Variants in RAB38 observed in about 807,000 individuals in gnomAD.
The protein encoded by RAB38 is RAB38, member RAS oncogene family, also known as ras-related protein Rab-38.
RAB38 carries 15 observed loss-of-function variants against 18.4 expected under a neutral mutation model. That is an observed-to-expected ratio of 0.82 (90% CI 0.55 to 1.26). The LOEUF is 1.26. Among genes scored for constraint, RAB38 ranks in the 50% most tolerant of loss-of-function variants. RAB38 has a pLI of 0.00. For synonymous variants in RAB38, 101 were observed against 104.4 expected, an observed-to-expected ratio of 0.97 and a Z score of 0.20; for missense variants, 294 against 267.4, an observed-to-expected ratio of 1.10 and a Z score of -0.69.
chr11:87,956,469 T>C, the RAB38 span, among the ~76,000 whole-genome samples: 5 of 152,152 alleles, frequency 3.3e-5, no homozygotes, highest in South Asian at 2.1e-4. Context: ...CACAGGCTTC[T>C]ATCACCTGCA....
At chr11:87,804,271 G>C in the RAB38 span, among the ~76,000 whole-genome samples, 176 of 152,178 alleles carry the variant, frequency 1.2e-3, 1 homozygote, top group African/African-American at 4.1e-3. Context: ...ATGCTGAGTT[G>C]GGTAGAGGCA....
At chr11:87,948,852 T>A in the RAB38 span, among the ~76,000 whole-genome samples, 4 of 152,022 alleles carry the variant, frequency 2.6e-5, no homozygotes, top group Non-Finnish European at 4.4e-5. Context: ...CTAAAATTCT[T>A]TTTTTGTTGT....
chr11:87,962,141 G>GA, the RAB38 span, among the ~76,000 whole-genome samples: 1 of 152,218 alleles, frequency 6.6e-6, no homozygotes, highest in East Asian at 1.9e-4. Flanking sequence ...TCCTCTCTCA[G>GA]AAAAGGAATG....
chr11:87,871,549 T>C, the RAB38 span, among the ~76,000 whole-genome samples: 1 of 151,738 alleles, frequency 6.6e-6, no homozygotes, highest in Non-Finnish European at 1.5e-5. Context: ...AGCTTGCATA[T>C]TTTAAAGTAT....
chr11:88,052,929 T>TTTCATATAG, the RAB38 span, among the ~76,000 whole-genome samples: 1 of 57,986 alleles, frequency 1.7e-5, no homozygotes, highest in Non-Finnish European at 2.7e-5. Flanking sequence ...TATATATATA[T>TTTCATATAG]ATATATATAT....
chr11:87,853,937 G>T, the RAB38 span, among the ~76,000 whole-genome samples: 1 of 152,166 alleles, frequency 6.6e-6, no homozygotes, highest in African/African-American at 2.4e-5. Flanking sequence ...CATCAGCTGA[G>T]GGTCTTTCCA....
the RAB38 span, among the ~76,000 whole-genome samples, chr11:87,958,842 A>G: frequency 1.3e-5 from 2 of 152,150 alleles, no homozygotes; most frequent in Non-Finnish European, 2.9e-5. Context: ...CCTGTATAAT[A>G]ATCCCTTTCT....
chr11:88,107,872 T>C, the RAB38 span, among the ~76,000 whole-genome samples: 2 of 152,078 alleles, frequency 1.3e-5, no homozygotes, highest in African/African-American at 2.4e-5. Context: ...TAATTTCGTT[T>C]TTTACCCAGT....
At chr11:87,952,966 TTAAAACATTTAAACA>T in the RAB38 span, among the ~76,000 whole-genome samples, 19 of 152,114 alleles carry the variant, frequency 1.2e-4, no homozygotes, top group East Asian at 3.8e-4. Context: ...GTTTTTAATT[TTAAAACATTTAAACA>T]TAAAACATTT....
At chr11:88,069,370 G>T in the RAB38 span, among the ~76,000 whole-genome samples, 22 of 152,296 alleles carry the variant, frequency 1.4e-4, no homozygotes, top group African/African-American at 5.3e-4. Context: ...CCTCCCCGAC[G>T]GGCACCAACC....
chr11:87,880,337 A>G, the RAB38 span, among the ~76,000 whole-genome samples: 34 of 151,906 alleles, frequency 2.2e-4, no homozygotes, highest in African/African-American at 7.5e-4. Context: ...TCCTGGCCAC[A>G]ACATGCTCCA....
the RAB38 span, among the ~76,000 whole-genome samples, chr11:88,032,319 G>A: frequency 2.4e-4 from 37 of 152,242 alleles, no homozygotes; most frequent in South Asian, 7.7e-3. Flanking sequence ...CATAGGCATG[G>A]GCAAGGACTT....
At chr11:88,098,796 C>T in the RAB38 span, 2 of 151,788 alleles carry the variant, frequency 1.3e-5, no homozygotes, top group African/African-American at 2.4e-5. Flanking sequence ...TAGATAATAG[C>T]GAAGGCATCC....
At chr11:87,804,063 T>G in the RAB38 span, among the ~76,000 whole-genome samples, 6 of 152,336 alleles carry the variant, frequency 3.9e-5, no homozygotes, top group African/African-American at 1.4e-4. Context: ...AACCGTGATT[T>G]TATTGTTTTG....
chr11:87,941,962 C>T, the RAB38 span, among the ~76,000 whole-genome samples: 1 of 152,178 alleles, frequency 6.6e-6, no homozygotes, highest in Non-Finnish European at 1.5e-5. Context: ...GCCCCTCTCT[C>T]TTGCTCCTTG....
the RAB38 span, among the ~76,000 whole-genome samples, chr11:88,020,761 A>G: frequency 6.6e-6 from 1 of 152,206 alleles, no homozygotes; most frequent in African/African-American, 2.4e-5. Flanking sequence ...TCTGAACACA[A>G]TCGAATGAAA....
the RAB38 span, among the ~76,000 whole-genome samples, chr11:87,953,235 CAAAG>C: frequency 6.6e-6 from 1 of 152,054 alleles, no homozygotes; most frequent in African/African-American, 2.4e-5. Flanking sequence ...CAATAACAAG[CAAAG>C]AAAGAGTTCG....
the RAB38 span, among the ~76,000 whole-genome samples, chr11:87,937,870 GTTT>G: frequency 0.043 from 3,954 of 91,710 alleles, 50 homozygotes; most frequent in East Asian, 0.19. Context: ...TCATTGAAGT[GTTT>G]TTTTTTTTTT....
Position 88,138,672 on chromosome 11 carries a change from T to C in RAB38, c.483+11003A>G, listed in dbSNP as rs1022253694. Among the ~76,000 whole-genome samples the C allele has an allele frequency of 5.3e-5, 8 of 152,152 alleles. No individual in the cohort carries two copies. The East Asian group carries it at 1.5e-3, about 29-fold the overall frequency. ...TTAATATATAATATGGGCATAGTAA[T>C]AGCACCTATTTCATAAGGGTTTGTG... On this transcript the variant is annotated intron_variant, in intron 2 of 2. Coordinates refer to ENST00000243662, the MANE Select transcript of RAB38 (RefSeq NM_022337.3).
Sources: gnomAD v4.1 joint callset for allele counts (sites outside exome capture counted in the v4.1 genomes callset) on GRCh38, gnomAD v4.1.1 for gene constraint, MANE v1.5 for transcripts, NCBI Gene and HGNC (gene_info 2026-07-23, HGNC 2026-07-21) for gene names.